The following RSPO2 variants were observed in gnomAD, a reference collection of about 807,000 sequenced individuals.
The protein encoded by RSPO2 is R-spondin-2.
In RSPO2, 14 loss-of-function variants were observed where a neutral mutation model predicts 30.9. The observed-to-expected ratio is 0.45, with a 90% CI of 0.30 to 0.71. The LOEUF is 0.71. Among genes scored for constraint, RSPO2 ranks in the 30% least tolerant of loss-of-function variants. RSPO2 has a pLI of 0.08. For synonymous variants in RSPO2, 107 were observed against 96.4 expected (o/e 1.11, Z -0.64); for missense variants, 264 against 301.9 (o/e 0.87, Z 0.93).
intron 5 of RSPO2, among the ~76,000 whole-genome samples, chr8:107,946,714 C>T (rs1370926190): frequency 6.6e-6 from 1 of 152,212 alleles, no homozygotes; most frequent in African/African-American, 2.4e-5. Context: ...TGTCCCTTTA[C>T]TACTCTCAAC....
chr8:107,980,226 A>ATT (rs530608342), intron 3 of RSPO2, among the ~76,000 whole-genome samples: 1 of 148,802 alleles, frequency 6.7e-6, no homozygotes, highest in African/African-American at 2.5e-5. Flanking sequence ...ATTCCATTCC[A>ATT]TTTTTTTTTT....
At chr8:107,928,954 T>C (rs913004431) in intron 5 of RSPO2, among the ~76,000 whole-genome samples, 22 of 152,288 alleles carry the variant, frequency 1.4e-4, no homozygotes, top group African/African-American at 5.3e-4. Context: ...AGATCAAGAA[T>C]AGATTTTCTT....
intron 2 of RSPO2, among the ~76,000 whole-genome samples, 179 bp downstream of exon 2, chr8:108,082,366 C>T (rs569947243): frequency 6.6e-6 from 1 of 152,230 alleles, no homozygotes; most frequent in East Asian, 1.9e-4. Flanking sequence ...CTCCAGGGTA[C>T]AGAAAACAGA....
intron 2 of RSPO2, among the ~76,000 whole-genome samples, chr8:108,063,041 A>G (rs1276477724): frequency 6.6e-6 from 1 of 150,542 alleles, no homozygotes; most frequent in Non-Finnish European, 1.5e-5. Context: ...TCAAAATAAT[A>G]AGAGCTATTT....
intron 2 of RSPO2, among the ~76,000 whole-genome samples, chr8:108,001,821 T>G (rs1045969546): frequency 2.6e-5 from 4 of 152,118 alleles, no homozygotes; most frequent in African/African-American, 9.7e-5. Flanking sequence ...TTAGCATGTG[T>G]GTGTTGAACA....
chr8:107,993,837 A>G (rs1254958953), intron 2 of RSPO2, among the ~76,000 whole-genome samples: 1 of 152,006 alleles, frequency 6.6e-6, no homozygotes, highest in Non-Finnish European at 1.5e-5. Context: ...CATGAAGTCA[A>G]TCCCTGCCTC....
intron 5 of RSPO2, among the ~76,000 whole-genome samples, chr8:107,941,761 T>C (rs965357326): frequency 6.6e-6 from 1 of 152,344 alleles, no homozygotes; most frequent in South Asian, 2.1e-4. Flanking sequence ...TGCTTCTTGA[T>C]TGAACACTCT....
intron 2 of RSPO2, among the ~76,000 whole-genome samples, chr8:108,065,406 A>G (rs928381353): frequency 2.0e-5 from 3 of 152,032 alleles, no homozygotes; most frequent in Admixed American, 6.6e-5. Flanking sequence ...TAAATATTGT[A>G]TATTCATAAT....
intron 2 of RSPO2, among the ~76,000 whole-genome samples, chr8:108,010,015 C>T (rs1261481179): frequency 1.3e-5 from 2 of 151,694 alleles, no homozygotes; most frequent in Admixed American, 6.6e-5. Flanking sequence ...TGCCACTGCA[C>T]TCCAGCCTGG....
chr8:108,017,206 A>G (rs978890776), intron 2 of RSPO2, among the ~76,000 whole-genome samples: 7 of 151,684 alleles, frequency 4.6e-5, no homozygotes, highest in Non-Finnish European at 8.8e-5. Context: ...TTTAGTAGAG[A>G]CGGGGTTTCA....
At chr8:108,020,320 G>T (rs1016825069) in intron 2 of RSPO2, among the ~76,000 whole-genome samples, 10 of 151,984 alleles carry the variant, frequency 6.6e-5, no homozygotes, top group African/African-American at 9.7e-5. Flanking sequence ...CAACGTACAC[G>T]CCTTTCATGC....
chr8:108,049,660 T>C (rs1812019420), intron 2 of RSPO2, among the ~76,000 whole-genome samples: 1 of 152,076 alleles, frequency 6.6e-6, no homozygotes, highest in African/African-American at 2.4e-5. Context: ...GGTGTTTGGT[T>C]TTCTGTTCCT....
At chr8:107,901,913 A>T (rs529849104) in intron 5 of RSPO2, among the ~76,000 whole-genome samples, 1 of 152,222 alleles carries the variant, frequency 6.6e-6, no homozygotes. Context: ...TAGGAAGCCC[A>T]GGCTACAAGC....
chr8:108,033,984 G>C (rs1347945313), intron 2 of RSPO2, among the ~76,000 whole-genome samples: 1 of 152,160 alleles, frequency 6.6e-6, no homozygotes, highest in East Asian at 1.9e-4. Flanking sequence ...ACTAACTTTA[G>C]AACATGAAAT....
chr8:107,966,007 C>T (rs1813791027), intron 3 of RSPO2, among the ~76,000 whole-genome samples: 1 of 152,120 alleles, frequency 6.6e-6, no homozygotes, highest in South Asian at 2.1e-4. Context: ...CTGCCCTCAT[C>T]ATGAGGCAAT....
intron 3 of RSPO2, among the ~76,000 whole-genome samples, chr8:107,973,514 ACACACACAGACACACACT>A (rs1257355179): frequency 1.4e-5 from 1 of 70,668 alleles, no homozygotes; most frequent in Non-Finnish European, 2.7e-5. Context: ...ACACACACAG[ACACACACAGACACACACT>A]CACACACACA....
At chr8:107,933,184 C>T (rs913517526) in intron 5 of RSPO2, among the ~76,000 whole-genome samples, 1 of 152,102 alleles carries the variant, frequency 6.6e-6, no homozygotes, top group Non-Finnish European at 1.5e-5. Flanking sequence ...ATAGGTACAC[C>T]TCTCCAATCT....
chr8:107,948,414 C>T (rs56004480), intron 5 of RSPO2, among the ~76,000 whole-genome samples: 276 of 152,256 alleles, frequency 1.8e-3, no homozygotes, highest in Middle Eastern at 6.8e-3. Flanking sequence ...CAATGCAATT[C>T]GGTAAACATT....
intron 2 of RSPO2, among the ~76,000 whole-genome samples, chr8:108,008,103 G>A (rs1252948999): frequency 3.3e-5 from 5 of 152,066 alleles, no homozygotes; most frequent in Admixed American, 2.6e-4. Flanking sequence ...GGAGAAATTA[G>A]CTATTCTCTA....
Sources: gnomAD v4.1 joint callset for allele counts (sites outside exome capture counted in the v4.1 genomes callset) on GRCh38, gnomAD v4.1.1 for gene constraint, MANE v1.5 for transcripts, NCBI Gene and HGNC (gene_info 2026-07-23, HGNC 2026-07-21) for gene names.